CHAC2: variants seen among roughly 807,000 people sequenced by gnomAD.
The protein encoded by CHAC2 is ChaC glutathione specific gamma-glutamylcyclotransferase 2, also known as glutathione-specific gamma-glutamylcyclotransferase 2.
CHAC2 carries 20 observed loss-of-function variants against 16.9 expected under a neutral mutation model. That is an observed-to-expected ratio of 1.18 (90% confidence interval 0.83 to 1.72). CHAC2 has a LOEUF of 1.72. CHAC2 is among the 40% of genes most tolerant of loss of function. The pLI is 0.00. For synonymous variants in CHAC2, 91 were observed against 77.3 expected (o/e 1.18, Z -0.93); for missense variants, 269 against 222.2 (o/e 1.21, Z -1.34).
At chr2:53,770,782 A>G (rs961823119) in intron 1 of CHAC2, among the ~76,000 whole-genome samples, 1 of 152,216 alleles carries the variant, frequency 6.6e-6, no homozygotes, top group Non-Finnish European at 1.5e-5. Context: ...CCTAGAACAC[A>G]AGTGGTCTGA....
intron 2 of CHAC2, among the ~76,000 whole-genome samples, chr2:53,772,493 A>T (rs1674013466): frequency 6.6e-6 from 1 of 152,024 alleles, no homozygotes; most frequent in African/African-American, 2.4e-5. Flanking sequence ...TTTTAAAAAC[A>T]AGTTTATTAA....
At position 53,775,094 on chromosome 2, in the gene CHAC2, A is replaced by G. The variant is rs1175189106; in HGVS notation, c.*569A>G. ...TTTAAAATACGAAAATTTCCTTGGA[A>G]TTATAATGTACTGTACCTCTTCTTT... On this transcript the variant is annotated 3_prime_UTR_variant, in exon 3 of 3. Transcript: ENST00000295304. The G allele has an allele frequency of 6.5e-6, 1 of 152,672 alleles. No homozygotes were observed. The highest frequency in any genetic ancestry group is 1.5e-5 in the Non-Finnish European group (1 of 68,058). The allele number at this position is 152,672 out of a possible 1,614,324, so 9.5% of individuals were successfully genotyped here. A position where few individuals can be genotyped will look rare whatever the true frequency, so the allele number is the denominator to read the frequency against.
chr2:53,774,011 G>A, intron 2 of CHAC2, 131 bp from the exon 3 acceptor site: 1 of 1,022,510 alleles, frequency 9.8e-7, no homozygotes, highest in Admixed American at 2.9e-5. Flanking sequence ...CCACAGCCTG[G>A]GCAACAGACA....
At chr2:53,773,489 G>A (rs908661470) in intron 2 of CHAC2, among the ~76,000 whole-genome samples, 1 of 152,128 alleles carries the variant, frequency 6.6e-6, no homozygotes, top group Non-Finnish European at 1.5e-5. Context: ...TGAGTTCAGT[G>A]GCATGATCTC....
chr2:53,772,693 T>C (rs560869777), intron 2 of CHAC2, among the ~76,000 whole-genome samples: 6 of 150,534 alleles, frequency 4.0e-5, no homozygotes, highest in East Asian at 2.0e-4. Context: ...CACCTGTGTG[T>C]TGTGTTTTGT....
intron 2 of CHAC2, 51 bp from the exon 3 acceptor site, chr2:53,774,091 C>A: frequency 6.7e-7 from 1 of 1,497,196 alleles, no homozygotes; most frequent in South Asian, 1.3e-5. Context: ...CTTTCTTCAC[C>A]TATTTTAATT....
chr2:53,774,184 GA>G lies in CHAC2; in HGVS notation c.216del (p.Glu73LysfsTer3). ...GVAYRLPVGKEEEVKAYLDFR... is the reference protein window; with the variant it reads ...GVAYRLPVGKXEEVKAYLDFR... ...TGCTTACAGATTGCCAGTAGGAAAG[GA>G]AGAAGAAGTAAAAGCATACCTTGAC... On this transcript the variant is annotated frameshift_variant, in exon 3 of 3. Transcript: ENST00000295304. LOFTEE classifies it high-confidence loss of function. 1 of 1,612,714 alleles carries G rather than the reference GA, an allele frequency of 6.2e-7. No homozygotes were observed.
In CHAC2 at chr2:53,774,457, C is replaced by A; in HGVS notation, c.487C>A (p.His163Asn). Residue 163 changes from histidine to asparagine, a missense_variant, in exon 3 of 3, where the codon CAT (histidine) becomes AAT (asparagine). His to Asn is a moderately conservative substitution (Grantham distance 68). Coordinates refer to ENST00000295304, the MANE Select transcript of CHAC2 (RefSeq NM_001008708.4). ...RNLVPEEADE[H>N]LFALEKLVKE... ...CCTTGTGCCAGAAGAAGCAGATGAG[C>A]ATCTTTTCGCTTTGGAAAAATTAGT... is the stretch of plus-strand genomic sequence containing the variant. 1 of 1,595,002 alleles carries A rather than the reference C, an allele frequency of 6.3e-7. No homozygotes were observed. Among genetic ancestry groups the A allele is most frequent in the Non-Finnish European group, 8.5e-7 (1 of 1,174,434 alleles).
intron 1 of CHAC2, among the ~76,000 whole-genome samples, 162 bp from the exon 2 acceptor site, chr2:53,771,745 A>G (rs1008946440): frequency 2.6e-5 from 4 of 152,210 alleles, no homozygotes; most frequent in Non-Finnish European, 1.5e-5. Context: ...AGGTTCTCTT[A>G]ATTCACTTAA....
chr2:53,774,537 G>A lies in CHAC2; in HGVS notation c.*12G>A, dbSNP rs1387105401. 2.0e-6 allele frequency: 3 copies of A among 1,511,562 alleles called. No homozygotes were observed. Among genetic ancestry groups the A allele is most frequent in the Non-Finnish European group, 2.7e-6 (3 of 1,131,872 alleles). The allele number at this position is 1,511,562 out of a possible 1,614,324, so 93.6% of individuals were successfully genotyped here. A position where few individuals can be genotyped will look rare whatever the true frequency, so the allele number is the denominator to read the frequency against. On this transcript the variant is annotated 3_prime_UTR_variant, in exon 3 of 3. Coordinates refer to ENST00000295304, the MANE Select transcript of CHAC2 (RefSeq NM_001008708.4). ...TCAATTGCATATAATTTAGTCTTCA[G>A]AGAATTAACTTCAGTGCACAATGAC...
At chr2:53,770,981 A>C (rs1466039003) in intron 1 of CHAC2, among the ~76,000 whole-genome samples, 1 of 152,192 alleles carries the variant, frequency 6.6e-6, no homozygotes, top group Non-Finnish European at 1.5e-5. Flanking sequence ...AAAACCTCTT[A>C]ATATCCCCTG....
chr2:53,772,221 C>A (rs1673976444), intron 2 of CHAC2, among the ~76,000 whole-genome samples: 1 of 152,184 alleles, frequency 6.6e-6, no homozygotes, highest in Non-Finnish European at 1.5e-5. Flanking sequence ...GTCGCCCAGG[C>A]TGGAGTGCAG....
chr2:53,768,689 T>TA (rs1397370134), intron 1 of CHAC2, among the ~76,000 whole-genome samples: 2 of 152,248 alleles, frequency 1.3e-5, no homozygotes, highest in African/African-American at 2.4e-5. Flanking sequence ...ATTTTAATGT[T>TA]ACTTTCTTGA....
chr2:53,770,308 C>T (rs754772489), intron 1 of CHAC2, among the ~76,000 whole-genome samples: 3 of 152,004 alleles, frequency 2.0e-5, no homozygotes, highest in Non-Finnish European at 4.4e-5. Context: ...ATTATCTATA[C>T]GAACAGATGA....
At chr2:53,772,206 G>A (rs1470807764) in intron 2 of CHAC2, among the ~76,000 whole-genome samples, 4 of 152,000 alleles carry the variant, frequency 2.6e-5, no homozygotes, top group African/African-American at 9.7e-5. Flanking sequence ...ACAGAGTCTA[G>A]CTCTGTCGCC....
At chr2:53,771,994 G>T (rs370016839) in intron 2 of CHAC2, 52 bp downstream of exon 2, 3 of 1,028,360 alleles carry the variant, frequency 2.9e-6, no homozygotes, top group Admixed American at 4.8e-5. Flanking sequence ...AAAATGTTGC[G>T]ATGTTTCTGT....
chr2:53,771,377 T>C (rs1183022080), intron 1 of CHAC2, among the ~76,000 whole-genome samples: 2 of 152,074 alleles, frequency 1.3e-5, no homozygotes, highest in African/African-American at 2.4e-5. Flanking sequence ...GCTGGGTGTC[T>C]TGGCGGGCAC....
At chr2:53,769,451 T>C (rs950503528) in intron 1 of CHAC2, among the ~76,000 whole-genome samples, 6 of 152,344 alleles carry the variant, frequency 3.9e-5, no homozygotes, top group Admixed American at 2.6e-4. Context: ...TTGACGAAAA[T>C]GTACAGTGTG....
chr2:53,770,622 T>C (rs918853955), intron 1 of CHAC2, among the ~76,000 whole-genome samples: 13 of 152,110 alleles, frequency 8.5e-5, no homozygotes, highest in African/African-American at 2.9e-4. Flanking sequence ...GCAAAGACTG[T>C]TTTATCAGTC....
Sources: allele counts gnomAD v4.1 joint callset (sites outside exome capture counted in the v4.1 genomes callset), GRCh38; gene constraint gnomAD v4.1.1; transcripts MANE v1.5; gene names NCBI Gene and HGNC (gene_info 2026-07-23, HGNC 2026-07-21).